KCNT2: variants seen among roughly 807,000 people sequenced by gnomAD.
KCNT2 encodes the protein potassium channel subfamily T member 2.
KCNT2 carries 67 observed loss-of-function variants against 153.8 expected under a neutral mutation model. That is an observed-to-expected ratio of 0.44 (90% confidence interval 0.36 to 0.53). The LOEUF (loss-of-function observed/expected upper bound fraction) is 0.53. KCNT2 is among the 20% of genes least tolerant of loss of function. The pLI is 0.00. For missense variants in KCNT2, 975 were observed against 1,354.8 expected, an observed-to-expected ratio of 0.72 and a Z score of 4.40; for synonymous variants, 500 against 458.8, an observed-to-expected ratio of 1.09 and a Z score of -1.15.
intron 14 of KCNT2, among the ~76,000 whole-genome samples, chr1:196,359,320 T>C (rs886359115): frequency 6.6e-6 from 1 of 151,996 alleles, no homozygotes; most frequent in Non-Finnish European, 1.5e-5. Context: ...ACTTTCCATC[T>C]CCCAGAAATT....
In KCNT2 at chr1:196,373,646, C is replaced by A. The variant is rs1307444838; in HGVS notation, c.1295-398G>T. Among the ~76,000 whole-genome samples the A allele has an allele frequency of 2.0e-5, 3 of 151,740 alleles. No individual in the cohort carries two copies. The Admixed American group carries it at 2.0e-4, about 10-fold the overall frequency. On this transcript the variant is annotated intron_variant, in intron 13 of 27. Coordinates refer to ENST00000294725, the MANE Select transcript of KCNT2 (RefSeq NM_198503.5). ...GATAATTCTATAGTATAAAATACAACAGTACTGATTTAGAAGAGTACTGAT... is the reference window on the plus strand; with the variant it reads ...GATAATTCTATAGTATAAAATACAAAAGTACTGATTTAGAAGAGTACTGAT...
chr1:196,258,173 A>C (rs766572908), intron 26 of KCNT2, 21 bp downstream of exon 26: 1 of 1,610,578 alleles, frequency 6.2e-7, no homozygotes, highest in African/African-American at 1.3e-5. Flanking sequence ...CCATATATAC[A>C]GTAGTTTTTA....
chr1:196,561,674 A>AAAAAAAAAAAAAAAAAG (rs1195004221), intron 1 of KCNT2, among the ~76,000 whole-genome samples: 1 of 31,270 alleles, frequency 3.2e-5, no homozygotes, highest in African/African-American at 3.6e-5. Flanking sequence ...AAAAAAAAAA[A>AAAAAAAAAAAAAAAAAG]AAAGAAGAAG....
chr1:196,541,358 T>C (rs1276353734), intron 1 of KCNT2, among the ~76,000 whole-genome samples: 5 of 152,048 alleles, frequency 3.3e-5, no homozygotes, highest in Admixed American at 1.3e-4. Flanking sequence ...AGGGACCTAA[T>C]CCTGCCCATT....
At chr1:196,324,221 T>C (rs925914042) in intron 19 of KCNT2, among the ~76,000 whole-genome samples, 2 of 151,926 alleles carry the variant, frequency 1.3e-5, no homozygotes, top group African/African-American at 4.8e-5. Context: ...ATGTAAGCCA[T>C]TAGGAAGGCA....
At chr1:196,603,122 T>C (rs1326569946) in intron 1 of KCNT2, among the ~76,000 whole-genome samples, 1 of 152,176 alleles carries the variant, frequency 6.6e-6, no homozygotes, top group Non-Finnish European at 1.5e-5. Context: ...TGTTTAAGTT[T>C]CTAATTTTCT....
intron 21 of KCNT2, among the ~76,000 whole-genome samples, chr1:196,307,614 A>G (rs79055518): frequency 0.039 from 5,984 of 152,180 alleles, 168 homozygotes; most frequent in South Asian, 0.083. Context: ...TTCTCAATTC[A>G]TGTTTGTGCA....
chr1:196,533,784 G>A (rs1402644678), intron 1 of KCNT2, among the ~76,000 whole-genome samples: 1 of 151,946 alleles, frequency 6.6e-6, no homozygotes, highest in Non-Finnish European at 1.5e-5. Flanking sequence ...TCTTACCATA[G>A]CCAGAAGAAG....
intron 21 of KCNT2, among the ~76,000 whole-genome samples, chr1:196,309,028 A>C (rs1331866809): frequency 6.6e-6 from 1 of 151,968 alleles, no homozygotes; most frequent in Non-Finnish European, 1.5e-5. Context: ...TGAAACAATA[A>C]AAATTCACCA....
At chr1:196,347,065 A>G (rs933927297) in intron 14 of KCNT2, among the ~76,000 whole-genome samples, 1 of 152,146 alleles carries the variant, frequency 6.6e-6, no homozygotes, top group Non-Finnish European at 1.5e-5. Flanking sequence ...CAACCCAGAC[A>G]CACTGGCTAA....
In KCNT2 at chr1:196,402,317, G is replaced by T. The variant is rs537934120; in HGVS notation, c.1186-3646C>A. 4.0e-5 allele frequency among the ~76,000 whole-genome samples: 6 copies of T among 151,534 alleles called. No individual in the cohort carries two copies. In the South Asian group the frequency reaches 1.2e-3, roughly 31 times the overall value. On this transcript the variant is annotated intron_variant, in intron 12 of 27. Coordinates refer to ENST00000294725, the MANE Select transcript of KCNT2 (RefSeq NM_198503.5). ...TTAACTTCTATAAAATATATAATCT[G>T]AATAAAGCACAATTTATAATATTGT... is the stretch of plus-strand genomic sequence containing the variant.
At chr1:196,270,023 C>T (rs2147824451) in intron 25 of KCNT2, among the ~76,000 whole-genome samples, 1 of 151,934 alleles carries the variant, frequency 6.6e-6, no homozygotes, top group African/African-American at 2.4e-5. Context: ...AATTGTTTTT[C>T]TTATGAAATC....
intron 14 of KCNT2, among the ~76,000 whole-genome samples, chr1:196,349,233 A>C (rs1411478269): frequency 6.6e-6 from 1 of 152,200 alleles, no homozygotes; most frequent in Non-Finnish European, 1.5e-5. Flanking sequence ...TAAATAAATT[A>C]CAAATTCCGT....
intron 14 of KCNT2, among the ~76,000 whole-genome samples, chr1:196,345,903 T>C (rs1171941202): frequency 1.3e-5 from 2 of 152,130 alleles, no homozygotes; most frequent in Non-Finnish European, 2.9e-5. Context: ...GGGGAAATCT[T>C]AAATACAAAA....
At chr1:196,390,301 CTGGTGTTAA>C (rs1207839802) in intron 13 of KCNT2, among the ~76,000 whole-genome samples, 1 of 151,388 alleles carries the variant, frequency 6.6e-6, no homozygotes, top group Non-Finnish European at 1.5e-5. Flanking sequence ...AACTCATATT[CTGGTGTTAA>C]ATAGACATTG....
chr1:196,420,386 T>C (rs1281320544), intron 12 of KCNT2, among the ~76,000 whole-genome samples: 1 of 151,908 alleles, frequency 6.6e-6, no homozygotes, highest in Non-Finnish European at 1.5e-5. Context: ...TGTTTGTTTG[T>C]TTGCTTATTC....
At chr1:196,238,482 C>G (rs759852773) in intron 26 of KCNT2, among the ~76,000 whole-genome samples, 2 of 151,964 alleles carry the variant, frequency 1.3e-5, no homozygotes, top group Non-Finnish European at 2.9e-5. Context: ...CAGAAATAAT[C>G]TCTCTTGGTT....
chr1:196,359,149 A>C (rs552970962), intron 14 of KCNT2, among the ~76,000 whole-genome samples: 286 of 152,094 alleles, frequency 1.9e-3, no homozygotes, highest in Non-Finnish European at 3.5e-3. Flanking sequence ...AAAGAGGTGT[A>C]AGTCATCGTT....
At chr1:196,257,826 C>T (rs746523443) in intron 26 of KCNT2, 218 of 984,972 alleles carry the variant, frequency 2.2e-4, no homozygotes, top group Non-Finnish European at 2.6e-4. Flanking sequence ...CTTGTCAATG[C>T]CTCAAATTCA....
Sources: allele counts gnomAD v4.1 joint callset (sites outside exome capture counted in the v4.1 genomes callset), GRCh38; gene constraint gnomAD v4.1.1; transcripts MANE v1.5; gene names NCBI Gene and HGNC (gene_info 2026-07-23, HGNC 2026-07-21).